The following CCDC38 variants were observed in gnomAD, a reference collection of about 807,000 sequenced individuals.
The protein encoded by CCDC38 is coiled-coil domain containing 38, also known as coiled-coil domain-containing protein 38.
In CCDC38, 69 loss-of-function variants were observed where a neutral mutation model predicts 72.8. The ratio of observed to expected loss-of-function variants is 0.95; its 90% CI spans 0.78 to 1.16. CCDC38 has a LOEUF of 1.16. CCDC38 is among the 50% of genes most tolerant of loss of function. The pLI, the probability that CCDC38 is intolerant of heterozygous loss-of-function variation, is 0.00. For missense variants in CCDC38, 626 were observed against 638.9 expected, an observed-to-expected ratio of 0.98 and a Z score of 0.22; for synonymous variants, 201 against 213.2, an observed-to-expected ratio of 0.94 and a Z score of 0.50.
rs142233471 is a variant in CCDC38 at position 95,941,239 on chromosome 12, A to G, written c.-15+1192T>C. 1.4e-3 allele frequency among the ~76,000 whole-genome samples: 219 copies of G among 152,346 alleles called. 1 individual carries two copies. Among genetic ancestry groups the G allele is most frequent in the African/African-American group, 5.1e-3 (213 of 41,588 alleles). ...CCCAGAACTTGCAAGCTTTAAGTAC[A>G]TGGTCTGTGAAGTCAGGAGAGGAAC... is the stretch of plus-strand genomic sequence containing the variant. On this transcript the variant is annotated intron_variant, in intron 1 of 15. Transcript: ENST00000344280.
chr12:95,893,591 A>T (rs1281923615), intron 8 of CCDC38, among the ~76,000 whole-genome samples: 1 of 151,424 alleles, frequency 6.6e-6, no homozygotes, highest in East Asian at 1.9e-4. Flanking sequence ...GTTTCAGGTG[A>T]TCCTCCCACC....
At position 95,872,380 on chromosome 12, in the gene CCDC38, G is replaced by A; in HGVS notation, c.1359C>T (p.Leu453=). ...VCIGDAEDDG[L]NPIQKLVKVE... ...CTTTTACCAGCTTTTGAATTGGGTT[G>A]AGGCCGTCATCCTCAGCATCTCCAA... The change falls in exon 14 of 16, where the codon CTC becomes CTT. Residue 453 remains leucine, a synonymous_variant. Coordinates refer to ENST00000344280, the MANE Select transcript of CCDC38 (RefSeq NM_182496.3). 6.2e-7 allele frequency: 1 copy of A among 1,614,150 alleles called. No homozygotes were observed. The highest frequency in any genetic ancestry group is 1.7e-4 in the Middle Eastern group (1 of 6,060).
intron 13 of CCDC38, among the ~76,000 whole-genome samples, chr12:95,877,485 G>A (rs182331932): frequency 3.3e-5 from 5 of 152,184 alleles, no homozygotes; most frequent in African/African-American, 7.2e-5. Flanking sequence ...GTTTGGTCCC[G>A]AAACAATGTT....
chr12:95,918,825 G>C (rs1298578105), intron 3 of CCDC38, 51 bp downstream of exon 3: 2 of 1,244,880 alleles, frequency 1.6e-6, no homozygotes, highest in Non-Finnish European at 2.4e-6. Flanking sequence ...CAATAGGTAA[G>C]TGGATATGAT....
intron 13 of CCDC38, 148 bp downstream of exon 13, chr12:95,878,063 G>A: frequency 6.8e-6 from 6 of 882,298 alleles, no homozygotes; most frequent in Non-Finnish European, 1.0e-5. Context: ...ATAATGGCAA[G>A]ATAAATTCCA....
At chr12:95,930,358 G>A (rs184259870) in intron 2 of CCDC38, among the ~76,000 whole-genome samples, 4 of 151,680 alleles carry the variant, frequency 2.6e-5, no homozygotes, top group Non-Finnish European at 4.4e-5. Flanking sequence ...AGCAGTGTTG[G>A]TTCCTTCTGG....
rs773755601 is a variant in CCDC38, at chr12:95,906,482, T to TA, written c.305-32dup. 6.2e-6 allele frequency: 9 copies of TA among 1,457,128 alleles called. No individual in the cohort carries two copies. The African/African-American group carries it at 1.3e-4, about 20-fold the overall frequency. 90.3% of individuals were successfully genotyped at this position (1,457,128 alleles called of 1,614,324 possible). ...AAGAAAGTTGAAATAGACTTAAGTTTAGTTCATCATCCTTAAAAATGCTGT... is the reference window on the plus strand; with the variant it reads ...AAGAAAGTTGAAATAGACTTAAGTTTAAGTTCATCATCCTTAAAAATGCTGT... On this transcript the variant is annotated intron_variant, in intron 4 of 15. Coordinates refer to ENST00000344280, the MANE Select transcript of CCDC38 (RefSeq NM_182496.3).
rs529595006 is a variant in CCDC38 at position 95,920,848 on chromosome 12, G to A, written c.38-1872C>T. Among the ~76,000 whole-genome samples, 206 of 152,124 alleles carry A rather than the reference G, an allele frequency of 1.4e-3. 3 individuals carry two copies. In the South Asian group the frequency reaches 0.038, roughly 28 times the overall value. On this transcript the variant is annotated intron_variant, in intron 2 of 15. Transcript: ENST00000344280. ...GCTGGCCATTAAAAAAGCAAAAGAG[G>A]GCCGGGCGCAGTGGTCACACGTATA... is the stretch of plus-strand genomic sequence containing the variant.
intron 7 of CCDC38, chr12:95,896,639 C>T (rs2079891740): frequency 6.6e-6 from 1 of 152,216 alleles, no homozygotes; most frequent in Non-Finnish European, 1.5e-5. Context: ...CTACAAAGAA[C>T]ACGAGGTGAC....
chr12:95,892,892 G>A (rs1165020834), intron 8 of CCDC38, among the ~76,000 whole-genome samples: 1 of 152,016 alleles, frequency 6.6e-6, no homozygotes, highest in Non-Finnish European at 1.5e-5. Context: ...TATATATGTA[G>A]TGGGACCCAT....
chr12:95,927,100 T>C (rs1262840312), intron 2 of CCDC38, among the ~76,000 whole-genome samples: 1 of 152,124 alleles, frequency 6.6e-6, no homozygotes, highest in Non-Finnish European at 1.5e-5. Flanking sequence ...GTATGCTTGT[T>C]GACTTTCTGT....
At chr12:95,928,654 C>T (rs1335349778) in intron 2 of CCDC38, among the ~76,000 whole-genome samples, 1 of 152,150 alleles carries the variant, frequency 6.6e-6, no homozygotes, top group East Asian at 1.9e-4. Context: ...TCTGTTTTTT[C>T]CCCATCTTTG....
chr12:95,902,837 T>G (rs1249565095), intron 5 of CCDC38, among the ~76,000 whole-genome samples: 1 of 152,214 alleles, frequency 6.6e-6, no homozygotes, highest in African/African-American at 2.4e-5. Flanking sequence ...GATAGCATTT[T>G]AGATCCTTCA....
intron 13 of CCDC38, among the ~76,000 whole-genome samples, chr12:95,875,277 G>T (rs558962187): frequency 6.5e-4 from 99 of 152,250 alleles, no homozygotes; most frequent in Non-Finnish European, 1.3e-3. Context: ...CCTGATCTGG[G>T]GGGTAGCACA....
At chr12:95,906,338 A>C in intron 5 of CCDC38, 49 bp downstream of exon 5, 1 of 1,249,342 alleles carries the variant, frequency 8.0e-7, no homozygotes, top group South Asian at 1.2e-5. Context: ...TGAAAACACT[A>C]TGAAAGAAGT....
chr12:95,878,456 C>A, intron 12 of CCDC38, 110 bp from the exon 13 acceptor site: 1 of 1,060,878 alleles, frequency 9.4e-7, no homozygotes, highest in Non-Finnish European at 1.4e-6. Flanking sequence ...ATGTAGTGAG[C>A]CAAATACAAG....
chr12:95,867,739 TC>T (rs2079537462), intron 15 of CCDC38, among the ~76,000 whole-genome samples: 1 of 152,222 alleles, frequency 6.6e-6, no homozygotes, highest in Admixed American at 6.5e-5. Flanking sequence ...TCATATATAC[TC>T]AAATATATTA....
chr12:95,936,383 T>G, intron 2 of CCDC38, 90 bp downstream of exon 2: 1 of 1,176,954 alleles, frequency 8.5e-7, no homozygotes, highest in Non-Finnish European at 1.2e-6. Context: ...ATTTATGGTG[T>G]AACATTCTCC....
chr12:95,911,899 A>G (rs774317371), intron 4 of CCDC38, among the ~76,000 whole-genome samples: 12 of 152,196 alleles, frequency 7.9e-5, no homozygotes, highest in South Asian at 2.1e-4. Context: ...TGTTCTGTCA[A>G]AAAGACACAT....
Sources: gnomAD v4.1 joint callset for allele counts (sites outside exome capture counted in the v4.1 genomes callset) on GRCh38, gnomAD v4.1.1 for gene constraint, MANE v1.5 for transcripts, NCBI Gene and HGNC (gene_info 2026-07-23, HGNC 2026-07-21) for gene names.